Variants in FAF1 observed in about 807,000 individuals in gnomAD.
FAF1 encodes Fas associated factor 1.
In FAF1, 25 loss-of-function variants were observed where a neutral mutation model predicts 92.5. That is an observed-to-expected ratio of 0.27 (90% CI 0.20 to 0.38). The LOEUF is 0.38. Ranked by LOEUF, FAF1 falls within the 10% of genes least tolerant of loss-of-function variation. The probability of loss-of-function intolerance (pLI) is 1.00; values close to 1 mark genes in which losing one functional copy is unlikely to be tolerated. For synonymous variants in FAF1, 234 were observed against 273.2 expected (o/e 0.86, Z 1.42); for missense variants, 636 against 793.3 (o/e 0.80, Z 2.38).
chr1:50,690,586 G>A (rs904212943), intron 7 of FAF1, among the ~76,000 whole-genome samples: 3 of 152,140 alleles, frequency 2.0e-5, no homozygotes, highest in African/African-American at 7.2e-5. Context: ...GGGTGACAGA[G>A]CAAGACTGTC....
At chr1:50,552,246 G>A (rs1649341834) in intron 13 of FAF1, among the ~76,000 whole-genome samples, 1 of 150,466 alleles carries the variant, frequency 6.6e-6, no homozygotes, top group Admixed American at 6.6e-5. Flanking sequence ...GCAGTGAGCT[G>A]AGATTGTGCC....
At chr1:50,663,048 A>G (rs138239247) in intron 7 of FAF1, among the ~76,000 whole-genome samples, 1 of 151,874 alleles carries the variant, frequency 6.6e-6, no homozygotes, top group African/African-American at 2.4e-5. Flanking sequence ...ATAAAAGACA[A>G]TTCCTAAAGT....
At chr1:50,616,426 T>C (rs910314996) in intron 8 of FAF1, among the ~76,000 whole-genome samples, 1 of 152,204 alleles carries the variant, frequency 6.6e-6, no homozygotes, top group Non-Finnish European at 1.5e-5. Flanking sequence ...GTTGCCTTTG[T>C]CACTGTGGCC....
chr1:50,721,019 TTAAG>T (rs1041328940), intron 6 of FAF1, among the ~76,000 whole-genome samples: 5 of 152,160 alleles, frequency 3.3e-5, no homozygotes, highest in Non-Finnish European at 7.3e-5. Flanking sequence ...ACATATATAA[TTAAG>T]TATGTTTTCC....
At chr1:50,511,640 T>C (rs1423193533) in intron 15 of FAF1, among the ~76,000 whole-genome samples, 9 of 152,184 alleles carry the variant, frequency 5.9e-5, no homozygotes, top group African/African-American at 1.9e-4. Context: ...CTTTATCCAG[T>C]CTATTACTGA....
rs1195329896 is a variant in FAF1 at position 50,539,682 on chromosome 1, T to C, written c.1315A>G (p.Thr439Ala). Residue 439 changes from threonine (T) to alanine (A), a missense_variant, in exon 14 of 19, where the codon ACC becomes GCC. Coordinates refer to ENST00000396153, the MANE Select transcript of FAF1 (RefSeq NM_007051.3). The part of the protein sequence containing the change: ...NRHFGSVVAQ[T>A]IRTQKTDQFP... ...TGATCCGTTTTTTGAGTCCGAATGG[T>C]TTGTGCCACAACACTGCCAAAGTGT... is the stretch of plus-strand genomic sequence containing the variant. 5 of 1,612,406 alleles carry C rather than the reference T, an allele frequency of 3.1e-6. No homozygotes were observed. Among genetic ancestry groups the C allele is most frequent in the Non-Finnish European group, 4.2e-6 (5 of 1,178,728 alleles).
chr1:50,778,914 CAT>C (rs1182354739), intron 4 of FAF1, among the ~76,000 whole-genome samples: 1 of 152,018 alleles, frequency 6.6e-6, no homozygotes, highest in Non-Finnish European at 1.5e-5. Flanking sequence ...TTTGCTGTAA[CAT>C]ATGATGCTGT....
chr1:50,530,352 G>T (rs1281195935), intron 15 of FAF1, among the ~76,000 whole-genome samples: 4 of 150,798 alleles, frequency 2.7e-5, no homozygotes, highest in Non-Finnish European at 5.9e-5. Context: ...CCTTTTAAAG[G>T]TCTGTTTAGT....
intron 1 of FAF1, among the ~76,000 whole-genome samples, chr1:50,956,440 A>C (rs1299447240): frequency 6.6e-6 from 1 of 152,226 alleles, no homozygotes; most frequent in Non-Finnish European, 1.5e-5. Context: ...TCAAAATGTG[A>C]TTTATTTTCA....
chr1:50,523,372 C>A (rs1647609360), intron 15 of FAF1, among the ~76,000 whole-genome samples: 1 of 152,164 alleles, frequency 6.6e-6, no homozygotes, highest in Admixed American at 6.5e-5. Flanking sequence ...CATTTTACAT[C>A]CCAATCAGCA....
At chr1:50,640,598 T>G (rs1353514786) in intron 8 of FAF1, among the ~76,000 whole-genome samples, 1 of 152,112 alleles carries the variant, frequency 6.6e-6, no homozygotes, top group Admixed American at 6.5e-5. Context: ...TTTGGGCTTT[T>G]CTAGTTTTCT....
intron 4 of FAF1, among the ~76,000 whole-genome samples, chr1:50,761,461 C>A (rs1195535496): frequency 6.6e-6 from 1 of 152,134 alleles, no homozygotes; most frequent in Non-Finnish European, 1.5e-5. Context: ...CAAACCGAAT[C>A]CAGCAGCACA....
At chr1:50,659,097 GAA>G (rs938244584) in intron 7 of FAF1, among the ~76,000 whole-genome samples, 2 of 152,056 alleles carry the variant, frequency 1.3e-5, no homozygotes, top group Non-Finnish European at 2.9e-5. Flanking sequence ...AAACGATTCT[GAA>G]AAAAGTTAGT....
At chr1:50,455,698 G>A (rs1053591264) in intron 18 of FAF1, among the ~76,000 whole-genome samples, 3 of 152,158 alleles carry the variant, frequency 2.0e-5, no homozygotes, top group Non-Finnish European at 2.9e-5. Context: ...ACCCAGAGAC[G>A]TATGTACCTT....
chr1:50,807,492 A>G (rs1313455277), intron 2 of FAF1, among the ~76,000 whole-genome samples: 1 of 152,120 alleles, frequency 6.6e-6, no homozygotes, highest in Non-Finnish European at 1.5e-5. Context: ...TCTCATGAGA[A>G]CTCATTATCA....
chr1:50,771,508 A>C (rs1485965020), intron 4 of FAF1, among the ~76,000 whole-genome samples: 1 of 152,216 alleles, frequency 6.6e-6, no homozygotes, highest in Non-Finnish European at 1.5e-5. Flanking sequence ...CCAAAAAAGC[A>C]TACACAAAAT....
intron 4 of FAF1, among the ~76,000 whole-genome samples, chr1:50,752,477 C>A (rs1659906745): frequency 6.6e-6 from 1 of 152,084 alleles, no homozygotes; most frequent in Non-Finnish European, 1.5e-5. Flanking sequence ...TTCTTTCATT[C>A]CCAATATGAA....
Position 50,783,059 on chromosome 1 carries a change from A to T in FAF1, c.367+4941T>A, listed in dbSNP as rs1661236282. Among the ~76,000 whole-genome samples, 5 of 152,294 alleles carry T rather than the reference A, an allele frequency of 3.3e-5. No individual in the cohort carries two copies. In the South Asian group the frequency reaches 1.0e-3, roughly 32 times the overall value. The stretch of plus-strand genomic sequence containing the variant: ...AAAACAGAAAAATTAAATTAAAAAT[A>T]ATTATAACAGACTACTATGAAAAAT... On this transcript the variant is annotated intron_variant, in intron 4 of 18. Coordinates refer to ENST00000396153, the MANE Select transcript of FAF1 (RefSeq NM_007051.3).
chr1:50,649,187 C>T (rs986246137), intron 8 of FAF1, among the ~76,000 whole-genome samples: 1 of 150,630 alleles, frequency 6.6e-6, no homozygotes, highest in Non-Finnish European at 1.5e-5. Flanking sequence ...CAGAGTTTTG[C>T]TCTTGTTGCC....
Sources: allele counts gnomAD v4.1 joint callset (sites outside exome capture counted in the v4.1 genomes callset), GRCh38; gene constraint gnomAD v4.1.1; transcripts MANE v1.5; gene names NCBI Gene and HGNC (gene_info 2026-07-23, HGNC 2026-07-21).